Variants in VWDE observed in about 807,000 individuals in gnomAD.
The protein encoded by VWDE is von Willebrand factor D and EGF domain-containing protein.
A neutral mutation model predicts 178.4 loss-of-function variants in VWDE; 207 were observed. The ratio of observed to expected loss-of-function variants is 1.16; its 90% CI spans 1.04 to 1.30. VWDE has a LOEUF of 1.30. Ranked by LOEUF, VWDE falls within the 50% of genes most tolerant of loss-of-function variation. The pLI is 0.00. For missense variants in VWDE, 2,287 were observed against 1,901.3 expected (o/e 1.20, Z -3.77); for synonymous variants, 738 against 651.4 (o/e 1.13, Z -2.02).
intron 1 of VWDE, among the ~76,000 whole-genome samples, chr7:12,398,313 T>A (rs934968097): frequency 3.3e-5 from 5 of 152,174 alleles, no homozygotes; most frequent in African/African-American, 1.2e-4. Flanking sequence ...AACTGTCTTA[T>A]CTGAGTTCCT....
chr7:12,357,147 A>T (rs1782291860), intron 17 of VWDE, 118 bp downstream of exon 17: 2 of 1,303,976 alleles, frequency 1.5e-6, no homozygotes, highest in South Asian at 3.1e-5. Context: ...TTTTCCATAC[A>T]ATGTTTAATA....
intron 14 of VWDE, 55 bp from the exon 15 acceptor site, chr7:12,361,306 T>C (rs1021931961): frequency 1.6e-5 from 25 of 1,536,786 alleles, no homozygotes; most frequent in Non-Finnish European, 2.0e-5. Flanking sequence ...TCTAAATTCA[T>C]TATGAAATGT....
intron 1 of VWDE, among the ~76,000 whole-genome samples, chr7:12,395,126 T>C (rs561332180): frequency 6.6e-6 from 1 of 152,218 alleles, no homozygotes; most frequent in African/African-American, 2.4e-5. Flanking sequence ...AAGGCTCCTC[T>C]TTCTTTTGTC....
chr7:12,337,386 T>G (rs1367976077), intron 24 of VWDE, 114 bp from the exon 25 acceptor site: 1 of 918,336 alleles, frequency 1.1e-6, no homozygotes, highest in African/African-American at 1.6e-5. Flanking sequence ...AATGTGCTAT[T>G]AAAATAAAAG....
In VWDE at chr7:12,356,207, C is replaced by G. The variant is rs1273788840; in HGVS notation, c.3649G>C (p.Val1217Leu). The G allele has an allele frequency of 6.4e-7, 1 of 1,551,584 alleles. No homozygotes were observed. The highest frequency in any genetic ancestry group is 2.4e-5 in the East Asian group (1 of 40,892). Residue 1217 changes from valine (V) to leucine (L), a missense_variant, in exon 18 of 29, where the codon GTG becomes CTG. Val to Leu is a conservative substitution (Grantham distance 32, BLOSUM62 1). Coordinates refer to ENST00000275358, the MANE Select transcript of VWDE (RefSeq NM_001135924.3). ...LPGFHGSLCEVDISGCQSNPC... is the reference protein window; with the variant it reads ...LPGFHGSLCELDISGCQSNPC... ...TTGGATTGGCACCCACTAATGTCCACTTCACAAAGGCTGCCATGGAAGCCA... is the reference window on the plus strand; with the variant it reads ...TTGGATTGGCACCCACTAATGTCCAGTTCACAAAGGCTGCCATGGAAGCCA...
chr7:12,385,612 C>T (rs529971641), intron 3 of VWDE, among the ~76,000 whole-genome samples: 28 of 152,288 alleles, frequency 1.8e-4, no homozygotes, highest in African/African-American at 6.5e-4. Context: ...AAATTGCCAT[C>T]AGCAGAGAAC....
chr7:12,351,568 C>A lies in VWDE; in HGVS notation c.3886+5G>T. On this transcript the variant is annotated splice_donor_5th_base_variant and intron_variant, in intron 19 of 28. Transcript: ENST00000275358. ...CATTAGATTTTAACTATGACCATTACTTACTGAAGGCATTTCCACTTGTTG... is the reference window on the plus strand; with the variant it reads ...CATTAGATTTTAACTATGACCATTAATTACTGAAGGCATTTCCACTTGTTG... 1 of 1,544,122 alleles carries A rather than the reference C, an allele frequency of 6.5e-7. No homozygotes were observed. The highest frequency in any genetic ancestry group is 8.7e-7 in the Non-Finnish European group (1 of 1,144,336).
chr7:12,388,408 T>C (rs1025856562), intron 3 of VWDE, among the ~76,000 whole-genome samples: 1 of 152,094 alleles, frequency 6.6e-6, no homozygotes, highest in African/African-American at 2.4e-5. Context: ...TTCCTTATCA[T>C]ACCCAATTAT....
At chr7:12,335,977 T>C (rs1780998158) in intron 27 of VWDE, among the ~76,000 whole-genome samples, 164 bp downstream of exon 27, 1 of 152,284 alleles carries the variant, frequency 6.6e-6, no homozygotes, top group East Asian at 1.9e-4. Context: ...TAAATGGATA[T>C]AAAATTTAGG....
chr7:12,376,487 T>C (rs1783537970), intron 7 of VWDE, among the ~76,000 whole-genome samples: 2 of 152,170 alleles, frequency 1.3e-5, no homozygotes, highest in Admixed American at 1.3e-4. Context: ...TATTATTATA[T>C]TATTTTAGCA....
At chr7:12,384,601 T>TTGTA (rs1455197275) in intron 3 of VWDE, among the ~76,000 whole-genome samples, 1 of 152,002 alleles carries the variant, frequency 6.6e-6, no homozygotes, top group Non-Finnish European at 1.5e-5. Flanking sequence ...ATGTGGGAGA[T>TTGTA]TTACAGAGTA....
intron 24 of VWDE, 150 bp downstream of exon 24, chr7:12,340,172 A>T: frequency 3.2e-6 from 2 of 618,376 alleles, no homozygotes; most frequent in South Asian, 4.3e-5. Flanking sequence ...TTTGTAAGCT[A>T]GTAATTTGGT....
In VWDE at chr7:12,380,420, G is replaced by T. The variant is rs1187928399; in HGVS notation, c.789+66C>A. 4 of 1,508,220 alleles carry T rather than the reference G, an allele frequency of 2.7e-6. No individual in the cohort carries two copies. The East Asian group carries it at 7.4e-5, about 28-fold the overall frequency. The allele number at this position is 1,508,220 out of a possible 1,614,324, so 93.4% of individuals were successfully genotyped here. On this transcript the variant is annotated intron_variant, in intron 5 of 28. Coordinates refer to ENST00000275358, the MANE Select transcript of VWDE (RefSeq NM_001135924.3). ...ACAAAATCTATTTTTTGGATATGATGTTTAAAAATCGTGTTTGAAAATCAA... is the reference window on the plus strand; with the variant it reads ...ACAAAATCTATTTTTTGGATATGATTTTTAAAAATCGTGTTTGAAAATCAA...
At chr7:12,368,018 C>G (rs1265183761) in intron 12 of VWDE, among the ~76,000 whole-genome samples, 1 of 151,814 alleles carries the variant, frequency 6.6e-6, no homozygotes, top group African/African-American at 2.4e-5. Context: ...GAATACAACT[C>G]TACTAGCAGT....
chr7:12,391,978 G>C (rs1784409939), intron 2 of VWDE, among the ~76,000 whole-genome samples: 1 of 152,152 alleles, frequency 6.6e-6, no homozygotes, highest in Non-Finnish European at 1.5e-5. Context: ...GAGTGATGAT[G>C]AACACGTTAG....
intron 27 of VWDE, among the ~76,000 whole-genome samples, chr7:12,334,481 A>G (rs1403255137): frequency 1.3e-5 from 2 of 152,176 alleles, no homozygotes; most frequent in Admixed American, 6.5e-5. Flanking sequence ...GCTGTATACA[A>G]TTGGGCAGGT....
Position 12,361,258 on chromosome 7 carries a change from C to T in VWDE, c.3055-7G>A, listed in dbSNP as rs1277707509. ...TATAACCATCATTAGATACCTGTAACATAATAGTTCTATAATAAGATGATT... is the reference window on the plus strand; with the variant it reads ...TATAACCATCATTAGATACCTGTAATATAATAGTTCTATAATAAGATGATT... On this transcript the variant is annotated splice_polypyrimidine_tract_variant and splice_region_variant and intron_variant, in intron 14 of 28. Transcript: ENST00000275358. 4 of 1,537,450 alleles carry T rather than the reference C, an allele frequency of 2.6e-6. No homozygotes were observed. The East Asian group carries it at 7.4e-5, about 28-fold the overall frequency.
intron 13 of VWDE, among the ~76,000 whole-genome samples, chr7:12,363,517 G>A (rs1782690993): frequency 6.6e-6 from 1 of 151,954 alleles, no homozygotes. Flanking sequence ...TGAATCTCTA[G>A]CTAAAGACTT....
intron 3 of VWDE, among the ~76,000 whole-genome samples, chr7:12,387,893 G>A (rs531577854): frequency 7.9e-5 from 12 of 151,692 alleles, no homozygotes; most frequent in African/African-American, 2.7e-4. Flanking sequence ...CAAAAAGGTC[G>A]CAAAAATAAT....
Sources: gnomAD v4.1 joint callset for allele counts (sites outside exome capture counted in the v4.1 genomes callset) on GRCh38, gnomAD v4.1.1 for gene constraint, MANE v1.5 for transcripts, NCBI Gene and HGNC (gene_info 2026-07-23, HGNC 2026-07-21) for gene names.